FARS2: variants seen among roughly 807,000 people sequenced by gnomAD.
FARS2 encodes the protein phenylalanyl-tRNA synthetase 2, mitochondrial.
A neutral mutation model predicts 46.4 loss-of-function variants in FARS2; 40 were observed. The observed-to-expected ratio is 0.86, with a 90% CI of 0.67 to 1.12. The LOEUF is 1.12. Among genes scored for constraint, FARS2 ranks in the 50% most tolerant of loss-of-function variants. The pLI is 0.00. For synonymous variants in FARS2, 234 were observed against 214.9 expected, an observed-to-expected ratio of 1.09 and a Z score of -0.78; for missense variants, 513 against 567.9, an observed-to-expected ratio of 0.90 and a Z score of 0.98.
At chr6:5,763,537 G>T (rs1762595453) in intron 6 of FARS2, among the ~76,000 whole-genome samples, 1 of 152,158 alleles carries the variant, frequency 6.6e-6, no homozygotes, top group Non-Finnish European at 1.5e-5. Flanking sequence ...GAGCCTCAGA[G>T]CACATTTATT....
chr6:5,340,936 A>AC (rs1771512087), intron 1 of FARS2, among the ~76,000 whole-genome samples: 1 of 151,784 alleles, frequency 6.6e-6, no homozygotes, highest in East Asian at 1.9e-4. Context: ...TCACAAGGTC[A>AC]GAAGTTTGAG....
intron 4 of FARS2, among the ~76,000 whole-genome samples, chr6:5,537,942 C>T (rs1388518199): frequency 6.6e-6 from 1 of 151,974 alleles, no homozygotes; most frequent in Non-Finnish European, 1.5e-5. Context: ...TGTGCATAGG[C>T]TCGCCCTCTT....
At chr6:5,264,891 T>C (rs1765446562) in intron 1 of FARS2, among the ~76,000 whole-genome samples, 1 of 152,118 alleles carries the variant, frequency 6.6e-6, no homozygotes, top group South Asian at 2.1e-4. Flanking sequence ...ACTCCCGTGC[T>C]GAAGTGATTT....
chr6:5,646,795 G>A (rs958285989), intron 6 of FARS2, among the ~76,000 whole-genome samples: 1 of 152,176 alleles, frequency 6.6e-6, no homozygotes, highest in African/African-American at 2.4e-5. Flanking sequence ...AGGGAATAAT[G>A]TCAAGAAAAA....
chr6:5,710,468 G>A (rs1473645429), intron 6 of FARS2, among the ~76,000 whole-genome samples: 1 of 152,100 alleles, frequency 6.6e-6, no homozygotes, highest in African/African-American at 2.4e-5. Flanking sequence ...TGCAACAAGG[G>A]TTTTCAGACA....
intron 6 of FARS2, among the ~76,000 whole-genome samples, chr6:5,691,567 T>C (rs1466487743): frequency 6.6e-6 from 1 of 152,062 alleles, no homozygotes; most frequent in African/African-American, 2.4e-5. Context: ...CTCAGAGGAG[T>C]ACCCGGCCGT....
At chr6:5,749,404 G>A (rs1231996443) in intron 6 of FARS2, among the ~76,000 whole-genome samples, 1 of 152,200 alleles carries the variant, frequency 6.6e-6, no homozygotes, top group East Asian at 1.9e-4. Flanking sequence ...GGGTGGGGAG[G>A]ACCAGAAACA....
intron 4 of FARS2, among the ~76,000 whole-genome samples, chr6:5,455,315 T>C (rs1233620611): frequency 6.6e-6 from 1 of 152,226 alleles, no homozygotes; most frequent in Non-Finnish European, 1.5e-5. Flanking sequence ...TATACACTTT[T>C]ATTGCCAAGG....
intron 4 of FARS2, among the ~76,000 whole-genome samples, chr6:5,538,213 C>T (rs370739463): frequency 1.0e-3 from 152 of 150,924 alleles, no homozygotes; most frequent in African/African-American, 3.6e-3. Flanking sequence ...CAACAAATTA[C>T]AGCTGAGGAG....
intron 4 of FARS2, among the ~76,000 whole-genome samples, chr6:5,500,428 C>T (rs982132257): frequency 2.6e-5 from 4 of 152,174 alleles, no homozygotes; most frequent in Admixed American, 6.5e-5. Flanking sequence ...GAGGAAGACA[C>T]CACATTAGTA....
intron 6 of FARS2, among the ~76,000 whole-genome samples, chr6:5,669,034 G>A (rs567647473): frequency 6.6e-6 from 1 of 152,068 alleles, no homozygotes; most frequent in Non-Finnish European, 1.5e-5. Flanking sequence ...AGGCCTCAAG[G>A]GCTTTAACCA....
chr6:5,547,878 C>T (rs1247792303), intron 5 of FARS2, among the ~76,000 whole-genome samples: 1 of 152,228 alleles, frequency 6.6e-6, no homozygotes, highest in African/African-American at 2.4e-5. Context: ...TCATCTCTCT[C>T]TGGAGTTATA....
chr6:5,406,060 T>G (rs1761574015), intron 3 of FARS2, among the ~76,000 whole-genome samples: 1 of 152,188 alleles, frequency 6.6e-6, no homozygotes, highest in Non-Finnish European at 1.5e-5. Context: ...ATATTTTGTT[T>G]TTTTAAATCA....
intron 4 of FARS2, among the ~76,000 whole-genome samples, chr6:5,496,264 CTG>C (rs1379682973): frequency 1.3e-5 from 2 of 152,118 alleles, no homozygotes; most frequent in East Asian, 3.9e-4. Flanking sequence ...TTTGTCACTT[CTG>C]TGTTTTTAGT....
chr6:5,601,628 C>T (rs1483185340), intron 5 of FARS2, among the ~76,000 whole-genome samples: 2 of 151,332 alleles, frequency 1.3e-5, no homozygotes, highest in African/African-American at 4.9e-5. Flanking sequence ...TTGACCTTGG[C>T]TCTGCCACTT....
intron 5 of FARS2, among the ~76,000 whole-genome samples, chr6:5,591,074 C>A (rs1773891555): frequency 6.6e-6 from 1 of 152,202 alleles, no homozygotes; most frequent in Admixed American, 6.5e-5. Context: ...CTTTCACAAT[C>A]AACCCAGACT....
chr6:5,758,126 T>C (rs1286012578), intron 6 of FARS2, among the ~76,000 whole-genome samples: 1 of 152,000 alleles, frequency 6.6e-6, no homozygotes, highest in East Asian at 1.9e-4. Context: ...GCACAAACAT[T>C]CCAGCAACTT....
At chr6:5,757,999 T>G (rs1416177557) in intron 6 of FARS2, among the ~76,000 whole-genome samples, 3 of 152,236 alleles carry the variant, frequency 2.0e-5, no homozygotes, top group Admixed American at 6.5e-5. Flanking sequence ...TCCATCAGTT[T>G]GTTATGTTAG....
At chr6:5,326,755 G>A (rs1462493522) in intron 1 of FARS2, among the ~76,000 whole-genome samples, 1 of 152,234 alleles carries the variant, frequency 6.6e-6, no homozygotes, top group Admixed American at 6.5e-5. Context: ...ATGTGCCAGT[G>A]TCATCAGATG....
Sources: gnomAD v4.1 joint callset for allele counts (sites outside exome capture counted in the v4.1 genomes callset) on GRCh38, gnomAD v4.1.1 for gene constraint, MANE v1.5 for transcripts, NCBI Gene and HGNC (gene_info 2026-07-23, HGNC 2026-07-21) for gene names.